The following TCOF1 variants were observed in gnomAD, a reference collection of about 807,000 sequenced individuals.
The protein encoded by TCOF1 is treacle ribosome biogenesis factor 1, also known as treacle protein.
TCOF1 carries 33 observed loss-of-function variants against 149.0 expected under a neutral mutation model. The observed-to-expected ratio is 0.22, with a 90% CI of 0.17 to 0.30. The LOEUF is 0.30. Ranked by LOEUF, TCOF1 falls within the 10% of genes least tolerant of loss-of-function variation. The probability of loss-of-function intolerance (pLI) is 1.00; values close to 1 mark genes in which losing one functional copy is unlikely to be tolerated. For missense variants in TCOF1, 1,728 were observed against 1,840.7 expected (o/e 0.94, Z 1.12); for synonymous variants, 789 against 738.8 (o/e 1.07, Z -1.10).
intron 1 of TCOF1, among the ~76,000 whole-genome samples, chr5:150,359,908 G>A (rs1223834948): frequency 6.6e-6 from 1 of 152,226 alleles, no homozygotes; most frequent in Non-Finnish European, 1.5e-5. Flanking sequence ...GTCTCATTGA[G>A]AAGGTGTCAT....
At chr5:150,389,187 T>C (rs1459342053) in intron 18 of TCOF1, among the ~76,000 whole-genome samples, 3 of 152,204 alleles carry the variant, frequency 2.0e-5, no homozygotes, top group South Asian at 4.1e-4. Context: ...CATAAGAAAC[T>C]ATATCACCTG....
At chr5:150,384,116 C>A in intron 17 of TCOF1, 1 of 1,180,024 alleles carries the variant, frequency 8.5e-7, no homozygotes, top group Admixed American at 4.1e-5. Flanking sequence ...ACCACCTCCC[C>A]TTGAATATCA....
chr5:150,364,583 AGG>A (rs1760891183), intron 3 of TCOF1, among the ~76,000 whole-genome samples: 1 of 152,228 alleles, frequency 6.6e-6, no homozygotes, highest in South Asian at 2.1e-4. Flanking sequence ...GTACTGCTGG[AGG>A]GATTTCAGAA....
chr5:150,364,309 A>G, intron 3 of TCOF1, 57 bp downstream of exon 3: 1 of 1,610,464 alleles, frequency 6.2e-7, no homozygotes, highest in South Asian at 1.1e-5. Context: ...TCTAGGGTAG[A>G]GTCTACCTCC....
chr5:150,391,426 A>T, intron 19 of TCOF1, 118 bp from the exon 20 acceptor site: 1 of 886,222 alleles, frequency 1.1e-6, no homozygotes, highest in Non-Finnish European at 1.9e-6. Context: ...TGCCCCTTTG[A>T]CTGCCCCTCA....
intron 1 of TCOF1, among the ~76,000 whole-genome samples, chr5:150,360,630 A>T (rs958552045): frequency 1.3e-5 from 2 of 152,170 alleles, no homozygotes; most frequent in African/African-American, 4.8e-5. Flanking sequence ...GGGGTTGTCT[A>T]AAAAGGTTTT....
chr5:150,399,326 T>TA (rs1769293327), intron 26 of TCOF1, among the ~76,000 whole-genome samples: 1 of 152,192 alleles, frequency 6.6e-6, no homozygotes, highest in East Asian at 1.9e-4. Flanking sequence ...GTGCATGCTT[T>TA]AGGGGGTGTG....
chr5:150,383,231 G>A, intron 17 of TCOF1: 1 of 1,402,068 alleles, frequency 7.1e-7, no homozygotes, highest in Non-Finnish European at 9.6e-7. Flanking sequence ...GGCAGGCCTT[G>A]CAGGAGAGGG....
intron 17 of TCOF1, chr5:150,383,861 C>T: frequency 1.3e-6 from 2 of 1,549,338 alleles, no homozygotes; most frequent in Non-Finnish European, 1.7e-6. Context: ...GGCTACACCT[C>T]CAAGGGTGGG....
intron 25 of TCOF1, among the ~76,000 whole-genome samples, chr5:150,398,655 A>G (rs1268035380): frequency 1.3e-5 from 2 of 152,228 alleles, no homozygotes; most frequent in Non-Finnish European, 2.9e-5. Context: ...CGGAGGTAGA[A>G]GGGTGTTGGG....
In TCOF1 at chr5:150,383,309, C is replaced by G. The variant is rs746140932; in HGVS notation, c.2859+3577C>G. 5 of 736,708 alleles carry G rather than the reference C, an allele frequency of 6.8e-6. No homozygotes were observed. In the East Asian group the frequency reaches 8.1e-5, roughly 12 times the overall value. The allele number at this position is 736,708 out of a possible 1,614,324, so 45.6% of individuals were successfully genotyped here. On this transcript the variant is annotated intron_variant, in intron 17 of 26. Coordinates refer to ENST00000643257, the MANE Select transcript of TCOF1 (RefSeq NM_001371623.1). ...ACCTCACAGCTTCCAGAGCTCTTTC[C>G]TCTATTGTGACATTCATCTGAGCCC...
At chr5:150,398,578 G>A (rs959642622) in intron 25 of TCOF1, 127 bp downstream of exon 25, 1 of 1,434,058 alleles carries the variant, frequency 7.0e-7, no homozygotes, top group South Asian at 1.2e-5. Flanking sequence ...CAGGGGTTGT[G>A]ACACACCAGG....
intron 14 of TCOF1, among the ~76,000 whole-genome samples, chr5:150,377,406 T>C (rs73270848): frequency 6.6e-5 from 10 of 152,326 alleles, no homozygotes; most frequent in African/African-American, 2.4e-4. Context: ...ACCCTGACGA[T>C]GGGCCAGGCT....
chr5:150,384,325 G>C (rs2150927445), intron 17 of TCOF1: 2 of 986,382 alleles, frequency 2.0e-6, no homozygotes, highest in Non-Finnish European at 2.4e-6. Flanking sequence ...GGCTCCCTTT[G>C]TTGTTTGCAT....
chr5:150,370,180 A>G (rs1300297912), intron 6 of TCOF1, among the ~76,000 whole-genome samples: 1 of 152,212 alleles, frequency 6.6e-6, no homozygotes, highest in African/African-American at 2.4e-5. Context: ...CAGGACAGGC[A>G]GAGTTCCTGC....
intron 3 of TCOF1, among the ~76,000 whole-genome samples, chr5:150,366,020 C>A (rs1761266348): frequency 6.6e-6 from 1 of 151,134 alleles, no homozygotes; most frequent in African/African-American, 2.4e-5. Flanking sequence ...GCCTAGGAGG[C>A]CTGAGGTGGG....
Position 150,392,061 on chromosome 5 carries a change from G to T in TCOF1, c.3402G>T (p.Gln1134His). 1 of 1,614,268 alleles carries T rather than the reference G, an allele frequency of 6.2e-7. No individual in the cohort carries two copies. The highest frequency in any genetic ancestry group is 8.5e-7 in the Non-Finnish European group (1 of 1,180,052). Residue 1134 changes from glutamine to histidine, a missense_variant, in exon 21 of 27, where the codon CAG (glutamine) becomes CAT (histidine). Physicochemically the swap from Gln to His is conservative, Grantham distance 24 (BLOSUM62 0). Coordinates refer to ENST00000643257, the MANE Select transcript of TCOF1 (RefSeq NM_001371623.1). ...KLRKPKLPEV[Q>H]QATKAPESSD... The stretch of plus-strand genomic sequence containing the variant: ...GAAAACCTAAGCTTCCTGAGGTCCA[G>T]CAGGCCACCAAAGCCCCTGAGAGCT...
At position 150,374,233 on chromosome 5, in the gene TCOF1, C is replaced by G. The variant is rs148274041; in HGVS notation, c.930C>G (p.Thr310=). The G allele has an allele frequency of 4.4e-5, 71 of 1,612,250 alleles. No individual in the cohort carries two copies. The African/African-American group carries it at 7.3e-4, about 17-fold the overall frequency. Residue 310 remains threonine, a synonymous_variant, in exon 8 of 27, where the codon ACC becomes ACG. Coordinates refer to ENST00000643257, the MANE Select transcript of TCOF1 (RefSeq NM_001371623.1). ...VRAASAPAKG[T]PGKGATPAPP... ...CTGCCTCAGCCCCTGCCAAGGGGAC[C>G]CCTGGGAAAGGGGCTACCCCAGCAC...
rs890574264 is a variant in TCOF1 at position 150,374,955 on chromosome 5, C to T, written c.1280C>T (p.Ala427Val). The T allele has an allele frequency of 1.2e-6, 2 of 1,613,510 alleles. No individual in the cohort carries two copies. The highest frequency in any genetic ancestry group is 1.7e-5 in the Admixed American group (1 of 59,910). ...CCCTCATCCTGTTTCTCACTCCAGGCGAAGCCTTCAGGGAAGGCCCCCCAG... is the reference window on the plus strand; with the variant it reads ...CCCTCATCCTGTTTCTCACTCCAGGTGAAGCCTTCAGGGAAGGCCCCCCAG... ...SDSEEEAPAQ[A>V]KPSGKAPQVR... is the part of the protein sequence containing the mutation. The change falls in exon 10 of 27, where the codon GCG (alanine) becomes GTG (valine). Residue 427 changes from alanine (A) to valine (V), a missense_variant and splice_region_variant. Coordinates refer to ENST00000643257, the MANE Select transcript of TCOF1 (RefSeq NM_001371623.1).
Sources: gnomAD v4.1 joint callset for allele counts (sites outside exome capture counted in the v4.1 genomes callset) on GRCh38, gnomAD v4.1.1 for gene constraint, MANE v1.5 for transcripts, NCBI Gene and HGNC (gene_info 2026-07-23, HGNC 2026-07-21) for gene names.